ENPP3: variants seen among roughly 807,000 people sequenced by gnomAD.
The protein encoded by ENPP3 is ectonucleotide pyrophosphatase/phosphodiesterase family member 3.
Under a neutral mutation model 117.8 loss-of-function variants are expected in ENPP3, and 104 were observed. The ratio of observed to expected loss-of-function variants is 0.88; its 90% CI spans 0.75 to 1.04. The LOEUF (loss-of-function observed/expected upper bound fraction) is 1.04. ENPP3 is among the 50% of genes least tolerant of loss of function. The probability of loss-of-function intolerance (pLI) is 0.00; values close to 1 mark genes in which losing one functional copy is unlikely to be tolerated. For missense variants in ENPP3, 1,026 were observed against 1,051.9 expected (o/e 0.98, Z 0.34); for synonymous variants, 380 against 349.9 (o/e 1.09, Z -0.96).
chr6:131,670,596 T>A (rs1177945629), intron 6 of ENPP3, among the ~76,000 whole-genome samples: 1 of 152,112 alleles, frequency 6.6e-6, no homozygotes, highest in African/African-American at 2.4e-5. Flanking sequence ...GCTCAAACAA[T>A]CCTCCCACCT....
chr6:131,696,426 G>A (rs1585681426), intron 15 of ENPP3, among the ~76,000 whole-genome samples: 2 of 152,336 alleles, frequency 1.3e-5, no homozygotes, highest in South Asian at 2.1e-4. Context: ...ATGTCAAGGA[G>A]CATCAGAGAA....
intron 24 of ENPP3, among the ~76,000 whole-genome samples, chr6:131,745,786 T>G (rs1780623826): frequency 6.6e-6 from 1 of 152,084 alleles, no homozygotes. Context: ...GTACGAAGAC[T>G]TTGAGGAGTG....
chr6:131,723,542 T>C (rs1780081269), intron 18 of ENPP3, among the ~76,000 whole-genome samples: 5 of 152,142 alleles, frequency 3.3e-5, no homozygotes, highest in African/African-American at 9.7e-5. Context: ...AAACCCCAAG[T>C]TCTATGTAAA....
intron 2 of ENPP3, among the ~76,000 whole-genome samples, chr6:131,644,972 A>T (rs1778125129): frequency 6.6e-6 from 1 of 152,208 alleles, no homozygotes; most frequent in African/African-American, 2.4e-5. Context: ...AATGGTTGTG[A>T]TGTATCTAAA....
At chr6:131,654,937 C>G (rs1306364166) in intron 5 of ENPP3, among the ~76,000 whole-genome samples, 4 of 152,138 alleles carry the variant, frequency 2.6e-5, no homozygotes, top group Admixed American at 2.6e-4. Flanking sequence ...GTCTTTTGCG[C>G]TAGTCACTTC....
intron 15 of ENPP3, among the ~76,000 whole-genome samples, chr6:131,694,290 G>C (rs1351536983): frequency 6.6e-6 from 1 of 152,060 alleles, no homozygotes; most frequent in Non-Finnish European, 1.5e-5. Flanking sequence ...TATGCACCAG[G>C]CCCTGTTCTA....
At chr6:131,676,989 A>G (rs1017677896) in intron 10 of ENPP3, among the ~76,000 whole-genome samples, 188 bp downstream of exon 10, 13 of 152,016 alleles carry the variant, frequency 8.6e-5, no homozygotes, top group African/African-American at 3.1e-4. Context: ...TAATCTCAGC[A>G]CTTTGGGAGG....
In ENPP3 at chr6:131,724,066, G is replaced by A; in HGVS notation, c.1773G>A (p.Gln591=). 6.2e-7 allele frequency: 1 copy of A among 1,612,178 alleles called. No homozygotes were observed. The highest frequency in any genetic ancestry group is 8.5e-7 in the Non-Finnish European group (1 of 1,178,662). Residue 591 remains glutamine, a synonymous_variant, in exon 19 of 25, where the codon CAG becomes CAA. Transcript: ENST00000357639. ...QNSTQLEQVN[Q]MLNLTQEEIT... The stretch of plus-strand genomic sequence containing the variant: ...GTACTCAGCTGGAACAAGTGAATCA[G>A]ATGCTAAATCTCACCCAAGAAGAAA...
chr6:131,656,233 T>C (rs1433796505), intron 5 of ENPP3, among the ~76,000 whole-genome samples: 3 of 152,182 alleles, frequency 2.0e-5, no homozygotes, highest in African/African-American at 7.2e-5. Flanking sequence ...TCTTGGCATG[T>C]AGTGAGCTCT....
At chr6:131,685,533 C>T in intron 13 of ENPP3, 38 bp downstream of exon 13, 1 of 1,597,866 alleles carries the variant, frequency 6.3e-7, no homozygotes, top group Non-Finnish European at 8.5e-7. Flanking sequence ...AAAGGGTAAA[C>T]CTGAAAGTGA....
intron 2 of ENPP3, among the ~76,000 whole-genome samples, chr6:131,646,341 T>TTTCC (rs1400425526): frequency 6.6e-6 from 1 of 151,758 alleles, no homozygotes; most frequent in African/African-American, 2.4e-5. Flanking sequence ...CCCTGCATTA[T>TTTCC]TTCCTTTTCA....
intron 12 of ENPP3, among the ~76,000 whole-genome samples, chr6:131,683,682 C>A (rs1321981664): frequency 2.0e-5 from 3 of 151,506 alleles, no homozygotes; most frequent in South Asian, 4.2e-4. Flanking sequence ...ACAGTGGAGA[C>A]ACCCTCTGCC....
chr6:131,719,650 T>C (rs1256981954), intron 16 of ENPP3, among the ~76,000 whole-genome samples: 1 of 152,140 alleles, frequency 6.6e-6, no homozygotes, highest in African/African-American at 2.4e-5. Flanking sequence ...TATGTATATA[T>C]ACACCCACAC....
chr6:131,657,815 G>C (rs112268374), intron 5 of ENPP3, among the ~76,000 whole-genome samples: 221 of 152,232 alleles, frequency 1.5e-3, no homozygotes, highest in African/African-American at 5.2e-3. Flanking sequence ...AGGGAGTTCA[G>C]TTAGTGAAAA....
chr6:131,694,688 A>G (rs1362102258), intron 15 of ENPP3, among the ~76,000 whole-genome samples: 1 of 152,054 alleles, frequency 6.6e-6, no homozygotes, highest in Non-Finnish European at 1.5e-5. Flanking sequence ...AAATACAAAA[A>G]TTAGCCAGGC....
In ENPP3 at chr6:131,678,961, C is replaced by CCTTCCTTG. The variant is rs1562446607; in HGVS notation, c.1011+1028_1011+1029insGCTTCCTT. Among the ~76,000 whole-genome samples the CCTTCCTTG allele has an allele frequency of 2.2e-5, 2 of 91,138 alleles. 1 individual carries two copies. The highest frequency in any genetic ancestry group is 1.6e-4 in the African/African-American group (2 of 12,606). The allele number at this position is 91,138 out of a possible 152,430, so 59.8% of individuals were successfully genotyped here. A position where few individuals can be genotyped will look rare whatever the true frequency, so the allele number is the denominator to read the frequency against. On this transcript the variant is annotated intron_variant, in intron 11 of 24. Coordinates refer to ENST00000357639, the MANE Select transcript of ENPP3 (RefSeq NM_005021.5). ...TCTTTCTTTCTTTCTTTCTTTCTTT[C>CCTTCCTTG]CTTCCTTCCTTCCTTCCTTCCTTCC...
chr6:131,728,274 G>A (rs1167882894), intron 20 of ENPP3, among the ~76,000 whole-genome samples: 2 of 152,100 alleles, frequency 1.3e-5, no homozygotes, highest in African/African-American at 4.8e-5. Context: ...AAAATTCCAG[G>A]TATGAGGGGT....
At chr6:131,745,361 C>T (rs7759504) in intron 24 of ENPP3, among the ~76,000 whole-genome samples, 18,933 of 151,820 alleles carry the variant, frequency 0.12, 1,935 homozygotes, top group East Asian at 0.47. Flanking sequence ...TCCTCTGGCT[C>T]AGATAGTGGC....
At chr6:131,677,368 T>C (rs1187378747) in intron 10 of ENPP3, among the ~76,000 whole-genome samples, 2 of 151,894 alleles carry the variant, frequency 1.3e-5, no homozygotes, top group East Asian at 1.9e-4. Flanking sequence ...GAGCCAGATA[T>C]GGAATGGAGC....
Sources: gnomAD v4.1 joint callset for allele counts (sites outside exome capture counted in the v4.1 genomes callset) on GRCh38, gnomAD v4.1.1 for gene constraint, MANE v1.5 for transcripts, NCBI Gene and HGNC (gene_info 2026-07-23, HGNC 2026-07-21) for gene names.